MAGI2: variants seen among roughly 807,000 people sequenced by gnomAD.
MAGI2 encodes membrane-associated guanylate kinase, WW and PDZ domain-containing protein 2.
In MAGI2, 35 loss-of-function variants were observed where a neutral mutation model predicts 133.3. That is an observed-to-expected ratio of 0.26 (90% CI 0.20 to 0.35). MAGI2 has a LOEUF of 0.35. Among genes scored for constraint, MAGI2 ranks in the 10% least tolerant of loss-of-function variants. The probability of loss-of-function intolerance (pLI) is 1.00; values close to 1 mark genes in which losing one functional copy is unlikely to be tolerated. For synonymous variants in MAGI2, 729 were observed against 710.6 expected (o/e 1.03, Z -0.41); for missense variants, 1,636 against 1,863.4 (o/e 0.88, Z 2.25).
chr7:78,726,813 T>C (rs1377448530), intron 2 of MAGI2, among the ~76,000 whole-genome samples: 1 of 152,134 alleles, frequency 6.6e-6, no homozygotes, highest in Non-Finnish European at 1.5e-5. Context: ...CTATGTAATA[T>C]GTAGCAAAAA....
At chr7:78,041,149 G>A (rs770417223) in intron 21 of MAGI2, among the ~76,000 whole-genome samples, 5 of 152,192 alleles carry the variant, frequency 3.3e-5, no homozygotes, top group Admixed American at 6.5e-5. Flanking sequence ...CCAGCTACCT[G>A]AGACTGCAGT....
intron 1 of MAGI2, among the ~76,000 whole-genome samples, chr7:79,070,337 C>A (rs1814837821): frequency 6.6e-6 from 1 of 151,568 alleles, no homozygotes; most frequent in African/African-American, 2.4e-5. Context: ...CTTGTCTTCT[C>A]ACTTTATTTC....
chr7:78,105,837 G>C (rs949557686), intron 20 of MAGI2, among the ~76,000 whole-genome samples: 4 of 151,926 alleles, frequency 2.6e-5, no homozygotes, highest in Admixed American at 2.6e-4. Context: ...ATCACTCCAA[G>C]AATTTATCAT....
intron 20 of MAGI2, among the ~76,000 whole-genome samples, chr7:78,096,237 T>A (rs1817680857): frequency 6.6e-6 from 1 of 152,206 alleles, no homozygotes; most frequent in African/African-American, 2.4e-5. Context: ...TTTGGTGGAA[T>A]CAGGAGTCCT....
intron 3 of MAGI2, among the ~76,000 whole-genome samples, chr7:78,573,550 G>A (rs187970118): frequency 2.7e-5 from 4 of 146,840 alleles, no homozygotes; most frequent in African/African-American, 1.0e-4. Flanking sequence ...TTGATAAATG[G>A]GCCGGAGTAA....
chr7:78,682,561 T>C (rs528852202), intron 2 of MAGI2, among the ~76,000 whole-genome samples: 1 of 152,276 alleles, frequency 6.6e-6, no homozygotes, highest in South Asian at 2.1e-4. Flanking sequence ...ATCCTTTTTT[T>C]GTGTGGCTGC....
intron 2 of MAGI2, among the ~76,000 whole-genome samples, chr7:78,766,979 T>G (rs1354502922): frequency 3.7e-5 from 5 of 135,640 alleles, no homozygotes; most frequent in Non-Finnish European, 7.7e-5. Flanking sequence ...AGAATTCACA[T>G]TATAATAAAG....
chr7:78,381,639 C>T (rs962585223), intron 6 of MAGI2, among the ~76,000 whole-genome samples: 1 of 152,036 alleles, frequency 6.6e-6, no homozygotes, highest in South Asian at 2.1e-4. Flanking sequence ...GAGGAATATG[C>T]AAAAGCCAGG....
At chr7:78,955,301 T>G (rs945781204) in intron 2 of MAGI2, among the ~76,000 whole-genome samples, 5 of 152,090 alleles carry the variant, frequency 3.3e-5, no homozygotes, top group African/African-American at 1.2e-4. Flanking sequence ...ATGTATATAT[T>G]TACATATATC....
chr7:78,082,310 G>A (rs1042032026), intron 20 of MAGI2, among the ~76,000 whole-genome samples: 1 of 152,164 alleles, frequency 6.6e-6, no homozygotes, highest in Admixed American at 6.5e-5. Context: ...GGAGAGAAGC[G>A]GTGGTTTGAA....
intron 2 of MAGI2, among the ~76,000 whole-genome samples, chr7:78,952,280 T>G (rs1050261630): frequency 6.6e-6 from 1 of 152,172 alleles, no homozygotes; most frequent in African/African-American, 2.4e-5. Flanking sequence ...ATTTTCCAAG[T>G]GACTCTGATA....
chr7:79,077,633 T>G (rs1260171401), intron 1 of MAGI2, among the ~76,000 whole-genome samples: 1 of 143,110 alleles, frequency 7.0e-6, no homozygotes, highest in Non-Finnish European at 1.5e-5. Context: ...TTAACTAGAG[T>G]TGGCTTGGAT....
intron 1 of MAGI2, among the ~76,000 whole-genome samples, chr7:79,099,446 T>G (rs1166429137): frequency 6.6e-6 from 1 of 152,210 alleles, no homozygotes; most frequent in Non-Finnish European, 1.5e-5. Context: ...TTTTCAAATT[T>G]TATTGTTATT....
At chr7:79,015,983 T>A (rs916730108) in intron 1 of MAGI2, among the ~76,000 whole-genome samples, 2 of 73,498 alleles carry the variant, frequency 2.7e-5, no homozygotes, top group African/African-American at 5.4e-5. Context: ...TAGCCCTCAA[T>A]GACTCCTGGA....
intron 1 of MAGI2, among the ~76,000 whole-genome samples, chr7:79,344,316 T>C (rs1841143974): frequency 6.6e-6 from 1 of 152,074 alleles, no homozygotes; most frequent in South Asian, 2.1e-4. Context: ...TCCCAAGATG[T>C]TTACAGGCTA....
intron 10 of MAGI2, among the ~76,000 whole-genome samples, chr7:78,226,687 AC>A (rs1431039345): frequency 6.6e-6 from 1 of 152,126 alleles, no homozygotes; most frequent in Non-Finnish European, 1.5e-5. Context: ...AGAGGTAACT[AC>A]CTTTTCCTGC....
chr7:78,677,963 C>T (rs187232742), intron 2 of MAGI2, among the ~76,000 whole-genome samples: 56 of 152,082 alleles, frequency 3.7e-4, no homozygotes, highest in Admixed American at 2.4e-3. Flanking sequence ...GTCCTAGTCA[C>T]GGGCAAGTGT....
At chr7:79,374,922 T>G (rs848919) in intron 1 of MAGI2, among the ~76,000 whole-genome samples, 76,074 of 151,428 alleles carry the variant, frequency 0.5, 20,619 homozygotes, top group African/African-American at 0.71. Context: ...ATTGCCCAGG[T>G]TCACCAGTTA....
chr7:78,956,151 G>A (rs1802362874), intron 2 of MAGI2, among the ~76,000 whole-genome samples: 1 of 152,088 alleles, frequency 6.6e-6, no homozygotes, highest in Non-Finnish European at 1.5e-5. Flanking sequence ...TGGAGGTTGA[G>A]GAAGAGGTCC....
Sources: gnomAD v4.1 joint callset for allele counts (sites outside exome capture counted in the v4.1 genomes callset) on GRCh38, gnomAD v4.1.1 for gene constraint, MANE v1.5 for transcripts, NCBI Gene and HGNC (gene_info 2026-07-23, HGNC 2026-07-21) for gene names.